CDC42SE2: variants seen among roughly 807,000 people sequenced by gnomAD.
CDC42SE2 encodes the protein CDC42 small effector 2.
In CDC42SE2, 3 loss-of-function variants were observed where a neutral mutation model predicts 11.5. That is an observed-to-expected ratio of 0.26 (90% CI 0.12 to 0.67). The LOEUF is 0.67. Ranked by LOEUF, CDC42SE2 falls within the 30% of genes least tolerant of loss-of-function variation. The pLI, the probability that CDC42SE2 is intolerant of heterozygous loss-of-function variation, is 0.80. For missense variants in CDC42SE2, 82 were observed against 106.8 expected (o/e 0.77, Z 1.02); for synonymous variants, 33 against 34.8 (o/e 0.95, Z 0.18).
At chr5:131,365,956 T>TG (rs1749844130) in intron 3 of CDC42SE2, among the ~76,000 whole-genome samples, 2 of 152,312 alleles carry the variant, frequency 1.3e-5, no homozygotes, top group South Asian at 2.1e-4. Flanking sequence ...CACTCCAGCC[T>TG]GGAGACAGAG....
chr5:131,223,012 C>T, the CDC42SE2 span, among the ~76,000 whole-genome samples: 4 of 152,186 alleles, frequency 2.6e-5, no homozygotes, highest in African/African-American at 9.7e-5. Flanking sequence ...AAATCATTGG[C>T]ACCCCATCCA....
At chr5:131,284,585 C>T (rs6866768) in intron 1 of CDC42SE2, among the ~76,000 whole-genome samples, 18,616 of 152,098 alleles carry the variant, frequency 0.12, 2,638 homozygotes, top group African/African-American at 0.34. Flanking sequence ...AGCCTCGCAC[C>T]TCAGCCTCCT....
chr5:131,246,627 C>G (rs1756585209), intron 1 of CDC42SE2, among the ~76,000 whole-genome samples: 1 of 151,926 alleles, frequency 6.6e-6, no homozygotes, highest in South Asian at 2.1e-4. Flanking sequence ...AATAATTTTT[C>G]TTGATTTACG....
intron 3 of CDC42SE2, among the ~76,000 whole-genome samples, chr5:131,380,298 C>T (rs1488719024): frequency 6.6e-6 from 1 of 152,066 alleles, no homozygotes; most frequent in East Asian, 1.9e-4. Flanking sequence ...TCCATTTGAT[C>T]ATTCTTATGG....
At chr5:131,241,874 T>TA (rs11393532), upstream of CDC42SE2, among the ~76,000 whole-genome samples, 119,136 of 151,964 alleles carry the variant, frequency 0.78, 47,071 homozygotes, top group Non-Finnish European at 0.83. Flanking sequence ...TTCCTCTTTC[T>TA]TTAATCTCTG....
intron 3 of CDC42SE2, among the ~76,000 whole-genome samples, chr5:131,379,220 TTTCATTTTCTTTA>T (rs1750247368): frequency 2.6e-5 from 4 of 152,194 alleles, no homozygotes; most frequent in Non-Finnish European, 5.9e-5. Flanking sequence ...TGGCAAGTAT[TTTCATTTTCTTTA>T]TTCACTCTGT....
At chr5:131,333,107 C>A (rs1205684068) in intron 2 of CDC42SE2, among the ~76,000 whole-genome samples, 2 of 152,090 alleles carry the variant, frequency 1.3e-5, no homozygotes, top group African/African-American at 4.8e-5. Context: ...TTAGGTCTAA[C>A]CTGTAAGTCT....
chr5:131,287,459 T>A (rs1276235810), intron 1 of CDC42SE2, among the ~76,000 whole-genome samples: 1 of 151,350 alleles, frequency 6.6e-6, no homozygotes, highest in Non-Finnish European at 1.5e-5. Flanking sequence ...TGTAGAATTT[T>A]TTTTCTTTTT....
the CDC42SE2 span, among the ~76,000 whole-genome samples, chr5:131,239,621 CTGT>C: frequency 1.3e-5 from 2 of 152,158 alleles, no homozygotes; most frequent in African/African-American, 2.4e-5. Context: ...TCATGGACCA[CTGT>C]TGAAAGAACA....
chr5:131,295,453 A>G (rs572880123), intron 1 of CDC42SE2, among the ~76,000 whole-genome samples: 8 of 152,160 alleles, frequency 5.3e-5, no homozygotes, highest in Non-Finnish European at 1.2e-4. Context: ...CAAATGAAAA[A>G]CAAGTTCTAC....
intron 2 of CDC42SE2, among the ~76,000 whole-genome samples, chr5:131,323,190 CT>C (rs397884786): frequency 0.013 from 1,824 of 137,084 alleles, 28 homozygotes; most frequent in African/African-American, 0.039. Context: ...CCACACCTGG[CT>C]TTTTTTTTTT....
intron 1 of CDC42SE2, among the ~76,000 whole-genome samples, chr5:131,315,310 T>G (rs1409166452): frequency 6.6e-6 from 1 of 152,210 alleles, no homozygotes; most frequent in Non-Finnish European, 1.5e-5. Flanking sequence ...CTTCTGACTC[T>G]TAAGTCCATG....
At chr5:131,309,006 G>T (rs1283511567) in intron 1 of CDC42SE2, among the ~76,000 whole-genome samples, 1 of 149,418 alleles carries the variant, frequency 6.7e-6, no homozygotes, top group East Asian at 2.0e-4. Flanking sequence ...GTGAGAGAGG[G>T]CATCCCTGTC....
At chr5:131,379,979 T>A (rs920699304) in intron 3 of CDC42SE2, among the ~76,000 whole-genome samples, 1 of 151,448 alleles carries the variant, frequency 6.6e-6, no homozygotes, top group Admixed American at 6.6e-5. Context: ...AGTGGTGTGA[T>A]CTCGGCTCAC....
At position 131,329,145 on chromosome 5, in the gene CDC42SE2, C is replaced by G. The variant is rs76578080; in HGVS notation, c.-286+13001C>G. ...GATTTTAAACTGCTGACAAAGACAT[C>G]TAGGCTGTTGCTGCCAATTTCTGTG... On this transcript the variant is annotated intron_variant, in intron 2 of 4. Coordinates refer to ENST00000505065, the MANE Select transcript of CDC42SE2 (RefSeq NM_001375635.1). Among the ~76,000 whole-genome samples, 404 of 152,306 alleles carry G rather than the reference C, an allele frequency of 2.7e-3. 3 individuals carry two copies. The highest frequency in any genetic ancestry group is 9.1e-3 in the African/African-American group (379 of 41,554).
intron 3 of CDC42SE2, among the ~76,000 whole-genome samples, chr5:131,380,978 G>A (rs1421573751): frequency 6.6e-6 from 1 of 152,130 alleles, no homozygotes. Flanking sequence ...TGAATCCATT[G>A]CACGTATTTG....
At chr5:131,225,071 C>A in the CDC42SE2 span, among the ~76,000 whole-genome samples, 11,367 of 152,020 alleles carry the variant, frequency 0.075, 894 homozygotes, top group African/African-American at 0.2. Flanking sequence ...TTAGGTGGAG[C>A]CCTGAGCCAA....
intron 2 of CDC42SE2, among the ~76,000 whole-genome samples, chr5:131,330,747 C>T (rs904928209): frequency 1.3e-5 from 2 of 151,618 alleles, no homozygotes; most frequent in Non-Finnish European, 2.9e-5. Flanking sequence ...GTGGCTCATT[C>T]CTGTAATTCC....
the CDC42SE2 span, among the ~76,000 whole-genome samples, chr5:131,219,426 C>G: frequency 6.6e-6 from 1 of 152,080 alleles, no homozygotes; most frequent in African/African-American, 2.4e-5. Context: ...ACCTCAATAT[C>G]CTTTTCAGAA....
Sources: allele counts gnomAD v4.1 joint callset (sites outside exome capture counted in the v4.1 genomes callset), GRCh38; gene constraint gnomAD v4.1.1; transcripts MANE v1.5; gene names NCBI Gene and HGNC (gene_info 2026-07-23, HGNC 2026-07-21).